The following FARP1 variants were observed in gnomAD, a reference collection of about 807,000 sequenced individuals.
FARP1 encodes FERM, ARH/RhoGEF and pleckstrin domain protein 1.
Under a neutral mutation model 128.8 loss-of-function variants are expected in FARP1, and 52 were observed. That is an observed-to-expected ratio of 0.40 (90% CI 0.32 to 0.51). The LOEUF is 0.51. FARP1 is among the 20% of genes least tolerant of loss of function. The pLI, the probability that FARP1 is intolerant of heterozygous loss-of-function variation, is 0.45. For missense variants in FARP1, 1,333 were observed against 1,367.9 expected (o/e 0.97, Z 0.40); for synonymous variants, 580 against 551.8 (o/e 1.05, Z -0.72).
At chr13:98,295,861 C>T (rs1885664096) in intron 2 of FARP1, among the ~76,000 whole-genome samples, 1 of 152,180 alleles carries the variant, frequency 6.6e-6, no homozygotes, top group African/African-American at 2.4e-5. Context: ...AGAGTCCTTT[C>T]TTCCCATCCT....
At chr13:98,437,026 C>T (rs1466028579) in intron 19 of FARP1, among the ~76,000 whole-genome samples, 1 of 152,190 alleles carries the variant, frequency 6.6e-6, no homozygotes, top group Non-Finnish European at 1.5e-5. Context: ...GGGGACCATG[C>T]ACATGGAGAC....
At chr13:98,292,319 T>G (rs1885486076) in intron 2 of FARP1, among the ~76,000 whole-genome samples, 1 of 152,240 alleles carries the variant, frequency 6.6e-6, no homozygotes, top group Non-Finnish European at 1.5e-5. Flanking sequence ...ACTTGACTCT[T>G]AACATTTTCT....
At chr13:98,169,327 A>G (rs1877491715) in intron 1 of FARP1, among the ~76,000 whole-genome samples, 1 of 152,158 alleles carries the variant, frequency 6.6e-6, no homozygotes, top group Non-Finnish European at 1.5e-5. Context: ...TGGATTCCGT[A>G]TCATCTCATT....
At chr13:98,296,115 T>C (rs1178258202) in intron 2 of FARP1, among the ~76,000 whole-genome samples, 2 of 152,156 alleles carry the variant, frequency 1.3e-5, no homozygotes, top group Non-Finnish European at 2.9e-5. Flanking sequence ...ATCGATACAT[T>C]ATTTTAAAGA....
At chr13:98,410,847 G>A (rs371566428) in intron 15 of FARP1, 24 bp downstream of exon 15, 9 of 1,241,810 alleles carry the variant, frequency 7.2e-6, no homozygotes, top group Middle Eastern at 1.9e-4. Context: ...TTCCCCAAAA[G>A]CATTCGATTA....
At chr13:98,271,823 CTG>C (rs1884404825) in intron 2 of FARP1, among the ~76,000 whole-genome samples, 1 of 152,120 alleles carries the variant, frequency 6.6e-6, no homozygotes, top group Non-Finnish European at 1.5e-5. Flanking sequence ...ATTTGATAGA[CTG>C]TATATCAGTA....
At chr13:98,223,629 G>A (rs1168852078) in intron 2 of FARP1, among the ~76,000 whole-genome samples, 2 of 152,116 alleles carry the variant, frequency 1.3e-5, no homozygotes, top group African/African-American at 4.8e-5. Context: ...CCTGGCCATA[G>A]AAGACATTGC....
chr13:98,371,572 A>G (rs532061938), intron 5 of FARP1, among the ~76,000 whole-genome samples: 3 of 150,818 alleles, frequency 2.0e-5, no homozygotes, highest in African/African-American at 7.3e-5. Context: ...TTTTTTTATC[A>G]TCTCTCCATC....
chr13:98,416,583 G>A (rs1891383311), intron 16 of FARP1, among the ~76,000 whole-genome samples: 1 of 152,212 alleles, frequency 6.6e-6, no homozygotes, highest in Admixed American at 6.5e-5. Flanking sequence ...AACTGGTTTG[G>A]TGAGTTCTAA....
chr13:98,438,003 A>C (rs1461114490), intron 19 of FARP1: 2 of 641,736 alleles, frequency 3.1e-6, no homozygotes, highest in African/African-American at 3.6e-5. Context: ...CTGAGGGAGC[A>C]CGTTCTGGAA....
intron 1 of FARP1, among the ~76,000 whole-genome samples, chr13:98,144,541 A>AGCCCTGGTCTCT (rs1308673840): frequency 6.6e-6 from 1 of 152,134 alleles, no homozygotes; most frequent in African/African-American, 2.4e-5. Context: ...TTGACCGCCC[A>AGCCCTGGTCTCT]GCCCTGGTCT....
chr13:98,388,700 A>G lies in FARP1; in HGVS notation c.855+222A>G, dbSNP rs701523. ...GGTAAACAGAGAGCGTAAAGGAGGTACATGAACATGTACCTGGGGAGAGGG... is the reference window on the plus strand; with the variant it reads ...GGTAAACAGAGAGCGTAAAGGAGGTGCATGAACATGTACCTGGGGAGAGGG... On this transcript the variant is annotated intron_variant, in intron 9 of 26. Transcript: ENST00000319562. Among the ~76,000 whole-genome samples, 447 of 152,334 alleles carry G rather than the reference A, an allele frequency of 2.9e-3. 2 individuals carry two copies. The highest frequency in any genetic ancestry group is 0.01 in the African/African-American group (429 of 41,584).
intron 3 of FARP1, among the ~76,000 whole-genome samples, chr13:98,355,424 A>G (rs750110564): frequency 6.6e-6 from 1 of 152,190 alleles, no homozygotes; most frequent in Non-Finnish European, 1.5e-5. Context: ...ATAATGAGAG[A>G]TATGGAAATG....
At chr13:98,300,596 G>A (rs1187992299) in intron 2 of FARP1, among the ~76,000 whole-genome samples, 3 of 152,070 alleles carry the variant, frequency 2.0e-5, no homozygotes, top group Non-Finnish European at 2.9e-5. Flanking sequence ...CCCTCTTGCC[G>A]GTGGCTTCAT....
intron 1 of FARP1, among the ~76,000 whole-genome samples, chr13:98,161,759 C>T (rs181775023): frequency 9.8e-4 from 149 of 152,120 alleles, no homozygotes; most frequent in Middle Eastern, 3.4e-3. Flanking sequence ...CCCTCCCTCC[C>T]TCCATCGTTC....
In FARP1 at chr13:98,448,581, T is replaced by C; in HGVS notation, c.*264T>C. On this transcript the variant is annotated 3_prime_UTR_variant, in exon 27 of 27. Coordinates refer to ENST00000319562, the MANE Select transcript of FARP1 (RefSeq NM_005766.4). Reference sequence around the variant, plus strand: ...TATTAAAACATTGTCATTACGAGAGTGCCAAATGACATCTTCCCTCCACCC... The same window carrying C: ...TATTAAAACATTGTCATTACGAGAGCGCCAAATGACATCTTCCCTCCACCC... 4 of 431,236 alleles carry C rather than the reference T, an allele frequency of 9.3e-6. No individual in the cohort carries two copies. Among genetic ancestry groups the C allele is most frequent in the South Asian group, 8.8e-5 (3 of 33,952 alleles). The allele number at this position is 431,236 out of a possible 1,614,324, so 26.7% of individuals were successfully genotyped here.
intron 2 of FARP1, among the ~76,000 whole-genome samples, chr13:98,288,700 CGGAT>C (rs1885311365): frequency 6.6e-6 from 1 of 152,138 alleles, no homozygotes; most frequent in African/African-American, 2.4e-5. Context: ...TGCCTACAGA[CGGAT>C]CATTGTTTTG....
intron 2 of FARP1, among the ~76,000 whole-genome samples, chr13:98,321,140 A>G (rs1259839795): frequency 6.6e-6 from 1 of 152,218 alleles, no homozygotes; most frequent in Non-Finnish European, 1.5e-5. Context: ...GGATTCAGAC[A>G]AACCCTCCAG....
At position 98,271,431 on chromosome 13, in the gene FARP1, A is replaced by T. The variant is rs527440153; in HGVS notation, c.171+58018A>T. ...AATTTTACTTTAAGTTCTGGGATAC[A>T]TGTGTAGAACGTGCAGGTTTGTTAC... On this transcript the variant is annotated intron_variant, in intron 2 of 26. Coordinates refer to ENST00000319562, the MANE Select transcript of FARP1 (RefSeq NM_005766.4). Among the ~76,000 whole-genome samples the T allele has an allele frequency of 2.4e-4, 36 of 152,322 alleles. No homozygotes were observed. The South Asian group carries it at 7.0e-3, about 30-fold the overall frequency.
Sources: allele counts gnomAD v4.1 joint callset (sites outside exome capture counted in the v4.1 genomes callset), GRCh38; gene constraint gnomAD v4.1.1; transcripts MANE v1.5; gene names NCBI Gene and HGNC (gene_info 2026-07-23, HGNC 2026-07-21).